Variants in DLG2 observed in about 807,000 individuals in gnomAD.
DLG2 encodes the protein disks large homolog 2.
A neutral mutation model predicts 132.5 loss-of-function variants in DLG2; 45 were observed. That is an observed-to-expected ratio of 0.34 (90% CI 0.27 to 0.44). DLG2 has a LOEUF of 0.44. Among genes scored for constraint, DLG2 ranks in the 20% least tolerant of loss-of-function variants. The probability of loss-of-function intolerance (pLI) is 1.00; values close to 1 mark genes in which losing one functional copy is unlikely to be tolerated. For missense variants in DLG2, 1,045 were observed against 1,196.9 expected (o/e 0.87, Z 1.87); for synonymous variants, 424 against 419.6 (o/e 1.01, Z -0.13).
At chr11:85,044,556 G>C (rs948499692) in intron 6 of DLG2, among the ~76,000 whole-genome samples, 6 of 151,986 alleles carry the variant, frequency 3.9e-5, no homozygotes, top group African/African-American at 1.4e-4. Context: ...GCAACCTCCA[G>C]AGTGTTATTA....
rs934557092 is a variant in DLG2, at chr11:83,455,682, C to T, written c.*4136G>A. On this transcript the variant is annotated 3_prime_UTR_variant, in exon 28 of 28. Transcript: ENST00000376104. Reference sequence around the variant, plus strand: ...CAGACTTGAGTGTGTGTGTGTGTTTCCAACCACAGTCATTCATACTCAATG... The same window carrying T: ...CAGACTTGAGTGTGTGTGTGTGTTTTCAACCACAGTCATTCATACTCAATG... The T allele has an allele frequency of 1.6e-4, 24 of 152,540 alleles. No individual in the cohort carries two copies. The highest frequency in any genetic ancestry group is 5.6e-4 in the African/African-American group (23 of 41,398). The allele number at this position is 152,540 out of a possible 1,614,324, so 9.4% of individuals were successfully genotyped here.
intron 18 of DLG2, among the ~76,000 whole-genome samples, chr11:83,768,334 C>A (rs1332765166): frequency 6.6e-6 from 1 of 152,158 alleles, no homozygotes; most frequent in Non-Finnish European, 1.5e-5. Flanking sequence ...ACATTAGATG[C>A]TTTAGAGTAG....
intron 5 of DLG2, among the ~76,000 whole-genome samples, chr11:85,128,768 T>A (rs909242807): frequency 2.0e-5 from 3 of 152,166 alleles, no homozygotes; most frequent in Non-Finnish European, 2.9e-5. Flanking sequence ...ATAAAATGTG[T>A]TGCATTAGTT....
intron 11 of DLG2, among the ~76,000 whole-genome samples, chr11:84,054,008 T>C (rs948248532): frequency 5.9e-5 from 9 of 152,078 alleles, no homozygotes; most frequent in Non-Finnish European, 1.2e-4. Context: ...CTACCTAGAT[T>C]TAATCACTCT....
rs528126308 is a variant in DLG2 at position 85,349,909 on chromosome 11, T to A, written c.41-64544A>T. 2.0e-5 allele frequency among the ~76,000 whole-genome samples: 3 copies of A among 152,342 alleles called. No homozygotes were observed. In the South Asian group the frequency reaches 6.2e-4, roughly 32 times the overall value. On this transcript the variant is annotated intron_variant, in intron 3 of 27. Coordinates refer to ENST00000376104, the MANE Select transcript of DLG2 (RefSeq NM_001142699.3). The stretch of plus-strand genomic sequence containing the variant: ...GTCTTTATAGTAGAATGATTTATAA[T>A]CCTTTGGGTATATACCCAGTAATGG...
At chr11:84,472,975 T>A (rs890505602) in intron 7 of DLG2, among the ~76,000 whole-genome samples, 1 of 152,032 alleles carries the variant, frequency 6.6e-6, no homozygotes, top group Admixed American at 6.6e-5. Context: ...ATACTTCAAG[T>A]AAGCCAGAAA....
intron 9 of DLG2, among the ~76,000 whole-genome samples, chr11:84,109,168 T>C (rs1163702374): frequency 1.3e-5 from 2 of 152,116 alleles, no homozygotes; most frequent in African/African-American, 2.4e-5. Flanking sequence ...TATCAGATAC[T>C]GTGTTAGACC....
At chr11:85,260,709 T>G (rs73525479) in intron 4 of DLG2, among the ~76,000 whole-genome samples, 64 of 152,354 alleles carry the variant, frequency 4.2e-4, no homozygotes, top group African/African-American at 1.5e-3. Flanking sequence ...CTCTTGGCCA[T>G]TCTGGTCACT....
chr11:84,229,043 T>C (rs2097052247), intron 8 of DLG2, among the ~76,000 whole-genome samples: 1 of 152,192 alleles, frequency 6.6e-6, no homozygotes, highest in Non-Finnish European at 1.5e-5. Flanking sequence ...TCATATGTAC[T>C]CTATAGATGC....
chr11:84,986,108 A>C (rs61909088), intron 6 of DLG2, among the ~76,000 whole-genome samples: 8,351 of 151,974 alleles, frequency 0.055, 373 homozygotes, highest in South Asian at 0.19. Flanking sequence ...CCAATTACAA[A>C]TGAAATGAGA....
intron 6 of DLG2, among the ~76,000 whole-genome samples, chr11:85,062,097 C>G (rs961116108): frequency 6.6e-6 from 1 of 151,808 alleles, no homozygotes; most frequent in Admixed American, 6.6e-5. Context: ...CATTATTATA[C>G]TGATAAAATC....
chr11:83,520,736 T>C (rs1203634668), intron 21 of DLG2, among the ~76,000 whole-genome samples: 3 of 150,328 alleles, frequency 2.0e-5, no homozygotes, highest in Admixed American at 6.6e-5. Context: ...GATAGATAGA[T>C]AGAGTGGGCT....
chr11:84,344,795 T>C (rs954479201), intron 7 of DLG2, among the ~76,000 whole-genome samples: 2 of 152,228 alleles, frequency 1.3e-5, no homozygotes, highest in African/African-American at 4.8e-5. Context: ...TAAAAATTAC[T>C]TGATAGCTGA....
chr11:84,367,054 A>G (rs2098686944), intron 7 of DLG2, among the ~76,000 whole-genome samples: 1 of 152,148 alleles, frequency 6.6e-6, no homozygotes. Flanking sequence ...AATTGACCAC[A>G]TAGTTGGAAG....
chr11:83,675,538 G>A (rs1732894452), intron 18 of DLG2, among the ~76,000 whole-genome samples: 1 of 152,164 alleles, frequency 6.6e-6, no homozygotes, highest in Non-Finnish European at 1.5e-5. Flanking sequence ...AATAATTCTT[G>A]AGCCTGGTAA....
At chr11:84,102,003 C>A (rs2092566717) in intron 9 of DLG2, among the ~76,000 whole-genome samples, 1 of 152,150 alleles carries the variant, frequency 6.6e-6, no homozygotes, top group African/African-American at 2.4e-5. Flanking sequence ...ACTGCACAGA[C>A]CTCACTATAA....
intron 6 of DLG2, among the ~76,000 whole-genome samples, chr11:84,745,821 T>C (rs752809946): frequency 7.3e-4 from 111 of 152,212 alleles, no homozygotes; most frequent in Non-Finnish European, 1.1e-3. Flanking sequence ...ATAATCCCTA[T>C]GCTTTAAGAA....
At chr11:83,804,301 T>A (rs146085731) in intron 17 of DLG2, among the ~76,000 whole-genome samples, 156 of 152,258 alleles carry the variant, frequency 1.0e-3, no homozygotes, top group African/African-American at 3.7e-3. Context: ...CCACTATGAA[T>A]GAGAAATAAT....
chr11:84,157,397 C>G (rs2095450065), intron 9 of DLG2, among the ~76,000 whole-genome samples: 1 of 152,092 alleles, frequency 6.6e-6, no homozygotes, highest in South Asian at 2.1e-4. Context: ...ACCTGCTACT[C>G]CCTATCTGAG....
Sources: gnomAD v4.1 joint callset for allele counts (sites outside exome capture counted in the v4.1 genomes callset) on GRCh38, gnomAD v4.1.1 for gene constraint, MANE v1.5 for transcripts, NCBI Gene and HGNC (gene_info 2026-07-23, HGNC 2026-07-21) for gene names.